The following JMJD1C variants were observed in gnomAD, a reference collection of about 807,000 sequenced individuals.
JMJD1C encodes the protein jumonji domain containing 1C, also known as jumonji domain-containing protein 1C.
Under a neutral mutation model 245.3 loss-of-function variants are expected in JMJD1C, and 31 were observed. That is an observed-to-expected ratio of 0.13 (90% CI 0.09 to 0.17). The LOEUF is 0.17. Among genes scored for constraint, JMJD1C ranks in the 10% least tolerant of loss-of-function variants. JMJD1C has a pLI of 1.00. For missense variants in JMJD1C, 2,691 were observed against 3,000.2 expected (o/e 0.90, Z 2.41); for synonymous variants, 1,057 against 1,017.4 (o/e 1.04, Z -0.74).
intron 1 of JMJD1C, among the ~76,000 whole-genome samples, chr10:63,441,558 T>C (rs1337473026): frequency 6.6e-6 from 1 of 152,210 alleles, no homozygotes; most frequent in Non-Finnish European, 1.5e-5. Context: ...CCCTTCCTCC[T>C]GCATTAGATC....
chr10:63,456,081 T>C (rs1246770218), intron 1 of JMJD1C, among the ~76,000 whole-genome samples: 1 of 152,116 alleles, frequency 6.6e-6, no homozygotes, highest in East Asian at 1.9e-4. Flanking sequence ...AAAGGTGAAA[T>C]ACATATAGTC....
intron 3 of JMJD1C, among the ~76,000 whole-genome samples, chr10:63,264,028 T>C (rs1033068584): frequency 5.4e-5 from 8 of 148,810 alleles, no homozygotes; most frequent in African/African-American, 2.0e-4. Flanking sequence ...GCTTTACTTA[T>C]ACCTGAAAAA....
At chr10:63,197,248 T>A (rs1182184370) in intron 13 of JMJD1C, among the ~76,000 whole-genome samples, 163 bp downstream of exon 13, 2 of 152,006 alleles carry the variant, frequency 1.3e-5, no homozygotes, top group African/African-American at 4.8e-5. Context: ...AATATAGCCG[T>A]TAATAAACTG....
In JMJD1C at chr10:63,279,362, C is replaced by T. The variant is rs190452821; in HGVS notation, c.334-14598G>A. 1.6e-4 allele frequency among the ~76,000 whole-genome samples: 25 copies of T among 151,964 alleles called. 1 individual carries two copies. ...AAATCTGGAATTGTATCCATTGAAA[C>T]AGAAAAAAAATTTTAAAAAGCTAAA... On this transcript the variant is annotated intron_variant, in intron 2 of 25. Coordinates refer to ENST00000399262, the MANE Select transcript of JMJD1C (RefSeq NM_032776.3).
chr10:63,359,948 A>T (rs987292547), intron 2 of JMJD1C, among the ~76,000 whole-genome samples: 5 of 152,288 alleles, frequency 3.3e-5, no homozygotes, highest in Admixed American at 3.3e-4. Context: ...TGTTCCTTAA[A>T]AAAAAGGTAT....
At chr10:63,447,893 C>G (rs998220203) in intron 1 of JMJD1C, among the ~76,000 whole-genome samples, 11 of 151,740 alleles carry the variant, frequency 7.2e-5, no homozygotes, top group African/African-American at 2.7e-4. Flanking sequence ...GAGCTGAGAC[C>G]ACGCCACTGC....
chr10:63,190,121 G>A (rs527491984), intron 17 of JMJD1C, among the ~76,000 whole-genome samples: 12 of 150,538 alleles, frequency 8.0e-5, no homozygotes, highest in Middle Eastern at 3.6e-3. Flanking sequence ...GGCTGGTCCC[G>A]AACCCCTGAC....
intron 2 of JMJD1C, among the ~76,000 whole-genome samples, chr10:63,288,232 T>C (rs1413619758): frequency 6.6e-6 from 1 of 152,234 alleles, no homozygotes. Flanking sequence ...GAGTCAACTG[T>C]ACTTGGAATC....
chr10:63,226,779 C>T (rs1430035577), intron 3 of JMJD1C, among the ~76,000 whole-genome samples: 10 of 149,542 alleles, frequency 6.7e-5, no homozygotes, highest in South Asian at 2.1e-4. Flanking sequence ...GAAATCAGGC[C>T]GGGTGTGGTG....
intron 1 of JMJD1C, among the ~76,000 whole-genome samples, chr10:63,412,968 TATACGAGGGATG>T (rs1233991233): frequency 6.6e-6 from 1 of 152,132 alleles, no homozygotes; most frequent in African/African-American, 2.4e-5. Flanking sequence ...AAGAATAGTG[TATACGAGGGATG>T]ATATTGATTT....
At chr10:63,217,115 A>C in intron 5 of JMJD1C, 92 bp downstream of exon 5, 2 of 1,161,042 alleles carry the variant, frequency 1.7e-6, no homozygotes, top group Non-Finnish European at 2.4e-6. Flanking sequence ...AGAGATAAAA[A>C]TTATTTAGTA....
intron 3 of JMJD1C, among the ~76,000 whole-genome samples, chr10:63,248,612 G>A (rs1429935806): frequency 2.6e-5 from 4 of 152,012 alleles, no homozygotes; most frequent in Non-Finnish European, 4.4e-5. Flanking sequence ...GGGAAAAGGG[G>A]AACCTGTACG....
Position 63,296,013 on chromosome 10 carries a change from A to ATATATAT in JMJD1C, c.334-31250_334-31249insATATATA, listed in dbSNP as rs71025149. ...TGTGTGTGTGTGTGTGTATATATAT[A>ATATATAT]TTTTTTTTTTTTTCTTAGATGGAGT... On this transcript the variant is annotated intron_variant, in intron 2 of 25. Coordinates refer to ENST00000399262, the MANE Select transcript of JMJD1C (RefSeq NM_032776.3). 9.5e-5 allele frequency among the ~76,000 whole-genome samples: 8 copies of ATATATAT among 84,284 alleles called. 1 individual carries two copies. The highest frequency in any genetic ancestry group is 2.9e-4 in the African/African-American group (7 of 24,010). The allele number at this position is 84,284 out of a possible 152,430, so 55.3% of individuals were successfully genotyped here. A position where few individuals can be genotyped will look rare whatever the true frequency, so the allele number is the denominator to read the frequency against.
At chr10:63,261,293 A>AC (rs1346450150) in intron 3 of JMJD1C, among the ~76,000 whole-genome samples, 3 of 152,062 alleles carry the variant, frequency 2.0e-5, no homozygotes, top group African/African-American at 7.2e-5. Context: ...CAAAAATCTG[A>AC]CCAGTGCCGG....
At position 63,484,537 on chromosome 10, in the gene JMJD1C, T is replaced by C. The variant is rs182460368; in HGVS notation, n.113+37201A>G. 6.8e-4 allele frequency among the ~76,000 whole-genome samples: 104 copies of C among 152,156 alleles called. 1 individual carries two copies. The highest frequency in any genetic ancestry group is 2.4e-3 in the African/African-American group (101 of 41,514). On this transcript the variant is annotated intron_variant and non_coding_transcript_variant, in intron 1 of 3. Coordinates refer to the JMJD1C transcript ENST00000633035. ...AATAGTGGCCTTTGTGATAGGATAA[T>C]TTGTAGCTGAACTTGAGATTTTGTT...
At chr10:63,264,563 T>C in intron 3 of JMJD1C, 88 bp downstream of exon 3, 1 of 628,354 alleles carries the variant, frequency 1.6e-6, no homozygotes, top group South Asian at 2.1e-5. Context: ...GATGAAATGA[T>C]ATTTAAAGAA....
intron 1 of JMJD1C, among the ~76,000 whole-genome samples, chr10:63,453,443 C>T (rs961607434): frequency 1.3e-5 from 2 of 151,986 alleles, no homozygotes; most frequent in Admixed American, 6.6e-5. Context: ...TCTGATCTTG[C>T]GGTACAAGAA....
At chr10:63,481,717 T>C (rs1953835955) in intron 1 of JMJD1C, among the ~76,000 whole-genome samples, 1 of 152,216 alleles carries the variant, frequency 6.6e-6, no homozygotes, top group Admixed American at 6.5e-5. Context: ...CTCCAGTTTA[T>C]TCAGACCATT....
rs1179349235 is a variant in JMJD1C at position 63,208,766 on chromosome 10, C to T, written c.2903G>A (p.Arg968Gln). 7 of 1,593,040 alleles carry T rather than the reference C, an allele frequency of 4.4e-6. No homozygotes were observed. In the South Asian group the frequency reaches 5.8e-5, roughly 13 times the overall value. The change falls in exon 10 of 26, where the codon CGG becomes CAG. Residue 968 changes from arginine (R) to glutamine (Q), a missense_variant. Physicochemically the swap from Arg to Gln is conservative, Grantham distance 43 (BLOSUM62 1). Transcript: ENST00000399262. ...LERKAFMEPL[R>Q]SVASTSAKND... ...TTTGGCTGATGTGGATGCAACAGAC[C>T]GTAATGGTTCCATAAAAGCTTTTCT...
Sources: allele counts gnomAD v4.1 joint callset (sites outside exome capture counted in the v4.1 genomes callset), GRCh38; gene constraint gnomAD v4.1.1; transcripts MANE v1.5; gene names NCBI Gene and HGNC (gene_info 2026-07-23, HGNC 2026-07-21).